ATP8A1: variants seen among roughly 807,000 people sequenced by gnomAD.
The protein encoded by ATP8A1 is phospholipid-transporting ATPase IA.
Under a neutral mutation model 177.7 loss-of-function variants are expected in ATP8A1, and 90 were observed. The ratio of observed to expected loss-of-function variants is 0.51; its 90% CI spans 0.43 to 0.60. The LOEUF is 0.60. Ranked by LOEUF, ATP8A1 falls within the 20% of genes least tolerant of loss-of-function variation. The pLI is 0.00. For synonymous variants in ATP8A1, 493 were observed against 485.9 expected (o/e 1.01, Z -0.19); for missense variants, 1,072 against 1,392.8 (o/e 0.77, Z 3.67).
chr4:42,536,444 C>G (rs959886528), intron 20 of ATP8A1, among the ~76,000 whole-genome samples: 1 of 152,048 alleles, frequency 6.6e-6, no homozygotes, highest in Non-Finnish European at 1.5e-5. Context: ...AGCAGCAAGA[C>G]TGAAATGGTA....
At position 42,579,965 on chromosome 4, in the gene ATP8A1, G is replaced by A; in HGVS notation, c.848C>T (p.Pro283Leu). The A allele has an allele frequency of 6.2e-7, 1 of 1,600,468 alleles. No individual in the cohort carries two copies. The highest frequency in any genetic ancestry group is 8.5e-7 in the Non-Finnish European group (1 of 1,173,740). ...TTCCACATTTGAGAGCTTAAGTGGT[G>A]GACTTGTTGAATTCTGTAAAAAGAA... is the stretch of plus-strand genomic sequence containing the variant. The part of the protein sequence containing the change: ...DTKLMQNSTS[P>L]PLKLSNVERI... Residue 283 changes from proline to leucine, a missense_variant, in exon 11 of 37, where the codon CCA becomes CTA. Coordinates refer to ENST00000381668, the MANE Select transcript of ATP8A1 (RefSeq NM_006095.2).
rs1712551330 is a variant in ATP8A1 at position 42,411,132 on chromosome 4, G to A, written c.*1784C>T. 6.6e-6 allele frequency: 1 copy of A among 152,134 alleles called. No individual in the cohort carries two copies. Among genetic ancestry groups the A allele is most frequent in the Admixed American group, 6.6e-5 (1 of 15,264 alleles). The allele number at this position is 152,134 out of a possible 1,614,324, so 9.4% of individuals were successfully genotyped here. On this transcript the variant is annotated 3_prime_UTR_variant, in exon 37 of 37. Transcript: ENST00000381668. ...CTCTCTCAATCTGTACCCCAAACAG[G>A]AAGGGCTTGGGAAGTAAAGTATGTA...
chr4:42,496,330 A>G (rs1462567715), intron 24 of ATP8A1, among the ~76,000 whole-genome samples: 1 of 152,194 alleles, frequency 6.6e-6, no homozygotes, highest in African/African-American at 2.4e-5. Context: ...CAAAGCCCCC[A>G]TGGTAATTAT....
chr4:42,503,362 TA>T (rs761459784), intron 24 of ATP8A1, 87 bp downstream of exon 24: 8 of 785,026 alleles, frequency 1.0e-5, no homozygotes, highest in Non-Finnish European at 1.6e-5. Flanking sequence ...CACAGAAAGA[TA>T]AAATATTTCC....
chr4:42,643,140 C>T (rs1462702021), intron 1 of ATP8A1, among the ~76,000 whole-genome samples: 6 of 152,174 alleles, frequency 3.9e-5, no homozygotes, highest in African/African-American at 9.7e-5. Context: ...ATGTAATTAT[C>T]GATCCCAAAC....
At chr4:42,601,596 C>T (rs1308039731) in intron 5 of ATP8A1, among the ~76,000 whole-genome samples, 3 of 151,738 alleles carry the variant, frequency 2.0e-5, no homozygotes, top group Admixed American at 6.6e-5. Flanking sequence ...GTGAGGTAGC[C>T]GGCACAGCAC....
chr4:42,445,712 G>A (rs948342276), intron 31 of ATP8A1, among the ~76,000 whole-genome samples: 1 of 152,146 alleles, frequency 6.6e-6, no homozygotes, highest in Non-Finnish European at 1.5e-5. Flanking sequence ...GATAGCTAAT[G>A]GCAATTTAGG....
Position 42,656,876 on chromosome 4 carries a change from C to A in ATP8A1, c.-3G>T. On this transcript the variant is annotated 5_prime_UTR_variant, in exon 1 of 37. Coordinates refer to ENST00000381668, the MANE Select transcript of ATP8A1 (RefSeq NM_006095.2). The stretch of plus-strand genomic sequence containing the variant: ...ACGGTCCTCCGCATGGTGGGCATCG[C>A]GGCGGCGGCTGCAGGTGGGTCCTCA... 1 of 1,579,408 alleles carries A rather than the reference C, an allele frequency of 6.3e-7. No homozygotes were observed. Among genetic ancestry groups the A allele is most frequent in the South Asian group, 1.2e-5 (1 of 86,276 alleles).
intron 20 of ATP8A1, among the ~76,000 whole-genome samples, chr4:42,532,430 G>A (rs1727366203): frequency 6.6e-6 from 1 of 151,932 alleles, no homozygotes; most frequent in Admixed American, 6.5e-5. Flanking sequence ...AGGTTGTAGT[G>A]AGCTGAGATC....
chr4:42,414,544 C>A, intron 36 of ATP8A1, 83 bp downstream of exon 36: 1 of 1,201,240 alleles, frequency 8.3e-7, no homozygotes, highest in South Asian at 1.3e-5. Flanking sequence ...AAATAAATAT[C>A]CCTAAAGTCA....
intron 20 of ATP8A1, among the ~76,000 whole-genome samples, chr4:42,542,121 T>C (rs906782705): frequency 1.3e-5 from 2 of 152,080 alleles, no homozygotes; most frequent in African/African-American, 4.8e-5. Context: ...TGTGTGTGTG[T>C]GATGGCAGGG....
intron 1 of ATP8A1, among the ~76,000 whole-genome samples, chr4:42,641,153 A>G (rs1739949231): frequency 6.6e-6 from 1 of 152,146 alleles, no homozygotes; most frequent in African/African-American, 2.4e-5. Flanking sequence ...ACGATTAATC[A>G]ATGTACAGAT....
At chr4:42,456,764 T>TA (rs2153180035) in intron 27 of ATP8A1, among the ~76,000 whole-genome samples, 1 of 152,240 alleles carries the variant, frequency 6.6e-6, no homozygotes, top group Admixed American at 6.5e-5. Context: ...ACAAAACTGT[T>TA]AGAGGAGAGC....
chr4:42,475,685 TAGC>T (rs1720987714), intron 25 of ATP8A1, among the ~76,000 whole-genome samples: 1 of 152,108 alleles, frequency 6.6e-6, no homozygotes, highest in South Asian at 2.1e-4. Context: ...TGCCACGTAT[TAGC>T]TCATTTATTC....
chr4:42,651,227 C>T (rs949397081), intron 1 of ATP8A1, among the ~76,000 whole-genome samples: 3 of 152,120 alleles, frequency 2.0e-5, no homozygotes, highest in Admixed American at 6.5e-5. Context: ...TGCCCAGTCT[C>T]GGTACGTCTT....
At chr4:42,618,355 ATAACCAG>A (rs1737118104) in intron 4 of ATP8A1, among the ~76,000 whole-genome samples, 1 of 152,212 alleles carries the variant, frequency 6.6e-6, no homozygotes, top group Non-Finnish European at 1.5e-5. Context: ...AGTTTCAATT[ATAACCAG>A]TACATAAATA....
chr4:42,433,264 C>T (rs1380045411), intron 33 of ATP8A1, among the ~76,000 whole-genome samples: 1 of 137,582 alleles, frequency 7.3e-6, no homozygotes, highest in African/African-American at 2.8e-5. Flanking sequence ...CAAACAACAG[C>T]TTGGGCGTCC....
At chr4:42,608,976 T>TA (rs1272186023) in intron 5 of ATP8A1, among the ~76,000 whole-genome samples, 1 of 152,216 alleles carries the variant, frequency 6.6e-6, no homozygotes, top group Non-Finnish European at 1.5e-5. Flanking sequence ...GAGTCTCTTG[T>TA]ATAAGCTTGC....
chr4:42,499,459 G>A (rs1723600991), intron 24 of ATP8A1, among the ~76,000 whole-genome samples: 1 of 152,110 alleles, frequency 6.6e-6, no homozygotes, highest in Admixed American at 6.5e-5. Flanking sequence ...AGAGATCAAG[G>A]TTAAGGGTAT....
Sources: gnomAD v4.1 joint callset for allele counts (sites outside exome capture counted in the v4.1 genomes callset) on GRCh38, gnomAD v4.1.1 for gene constraint, MANE v1.5 for transcripts, NCBI Gene and HGNC (gene_info 2026-07-23, HGNC 2026-07-21) for gene names.